The following CRYBG3 variants were observed in gnomAD, a reference collection of about 807,000 sequenced individuals.
CRYBG3 encodes very large A-kinase anchor protein.
CRYBG3 carries 127 observed loss-of-function variants against 244.2 expected under a neutral mutation model. The ratio of observed to expected loss-of-function variants is 0.52; its 90% CI spans 0.45 to 0.60. The LOEUF (loss-of-function observed/expected upper bound fraction) is 0.60, where lower values mean the gene tolerates loss of function less well. CRYBG3 is among the 20% of genes least tolerant of loss of function. The pLI, the probability that CRYBG3 is intolerant of heterozygous loss-of-function variation, is 0.00. For missense variants in CRYBG3, 3,325 were observed against 3,442.5 expected (o/e 0.97, Z 0.85); for synonymous variants, 1,132 against 1,195.8 (o/e 0.95, Z 1.10).
Position 97,915,714 on chromosome 3 carries a change from A to G in CRYBG3, c.8219A>G (p.Lys2740Arg). 1.2e-6 allele frequency: 2 copies of G among 1,612,372 alleles called. No individual in the cohort carries two copies. Among genetic ancestry groups the G allele is most frequent in the African/African-American group, 1.3e-5 (1 of 74,994 alleles). ...TGCGGTTGCCCAGCATCTAAAGTCA[A>G]ATCTCTCAAGCCCATTGACTATGTA... Reference protein sequence around the residue: ...TSCGCPASKVKSLKPIDYVFE... With the variant: ...TSCGCPASKVRSLKPIDYVFE... Residue 2740 changes from lysine (K) to arginine (R), a missense_variant, in exon 17 of 22, where the codon AAA (lysine) becomes AGA (arginine). By Grantham distance (26) the Lys-to-Arg change is conservative (BLOSUM62 2). This residue lies in a region of CRYBG3 where 714 missense variants were observed against 803.6 expected (regional missense o/e 0.89). Coordinates refer to ENST00000389622, the MANE Select transcript of CRYBG3 (RefSeq NM_153605.4).
At chr3:97,927,584 G>A (rs1203145733) in intron 17 of CRYBG3, among the ~76,000 whole-genome samples, 4 of 151,912 alleles carry the variant, frequency 2.6e-5, no homozygotes, top group Non-Finnish European at 5.9e-5. Context: ...CTAACCTAAA[G>A]TGCTTCTGCA....
intron 15 of CRYBG3, among the ~76,000 whole-genome samples, chr3:97,910,934 A>G (rs2039865057): frequency 1.3e-5 from 2 of 152,194 alleles, no homozygotes; most frequent in Admixed American, 6.5e-5. Flanking sequence ...TATCCTCTAT[A>G]TCTGCTAGGA....
At chr3:97,829,107 C>A (rs1378014533) in intron 1 of CRYBG3, among the ~76,000 whole-genome samples, 3 of 151,712 alleles carry the variant, frequency 2.0e-5, no homozygotes, top group African/African-American at 7.3e-5. Flanking sequence ...CTGGTGAATA[C>A]CTGTGGCTAA....
In CRYBG3 at chr3:97,894,908, C is replaced by G. The variant is rs1313643985; in HGVS notation, c.7575-1051C>G. Among the ~76,000 whole-genome samples the G allele has an allele frequency of 2.6e-5, 4 of 152,016 alleles. No homozygotes were observed. The South Asian group carries it at 6.2e-4, about 24-fold the overall frequency. ...ATTCCAATTCATGTGGACCCTCTGC[C>G]CCACCGTCATACCTATACTTACAGG... On this transcript the variant is annotated intron_variant, in intron 11 of 21. Coordinates refer to ENST00000389622, the MANE Select transcript of CRYBG3 (RefSeq NM_153605.4).
Position 97,860,861 on chromosome 3 carries a change from C to T in CRYBG3, c.217-3356C>T, listed in dbSNP as rs763712517. Among the ~76,000 whole-genome samples the T allele has an allele frequency of 8.8e-4, 134 of 151,696 alleles. 2 individuals are homozygous for T. Among genetic ancestry groups the T allele is most frequent in the Non-Finnish European group, 3.7e-4 (25 of 67,926 alleles). On this transcript the variant is annotated intron_variant, in intron 2 of 21. Coordinates refer to ENST00000389622, the MANE Select transcript of CRYBG3 (RefSeq NM_153605.4). ...TTTGTTGTTTCCTCTTTTTTTCCTG[C>T]GCACATCGTATATTGCCAAACTACA...
intron 1 of CRYBG3, among the ~76,000 whole-genome samples, chr3:97,828,813 A>T (rs1179300578): frequency 7.0e-6 from 1 of 143,524 alleles, no homozygotes; most frequent in Non-Finnish European, 1.5e-5. Flanking sequence ...GGGCAATAAG[A>T]GTGAAACTCC....
At chr3:97,849,376 A>G (rs2038951431) in intron 2 of CRYBG3, among the ~76,000 whole-genome samples, 1 of 152,206 alleles carries the variant, frequency 6.6e-6, no homozygotes. Context: ...GAAGGTACAT[A>G]CAAGAAGGCA....
rs564289518 is a variant in CRYBG3, at chr3:97,899,274, T to C, written c.7971+11T>C. On this transcript the variant is annotated intron_variant, in intron 14 of 21. Transcript: ENST00000389622. Reference sequence around the variant, plus strand: ...CGGCCAATCCAACTGGTGAGTGAAGTATGAACATAGCCAGTGCTGCATCAT... The same window carrying C: ...CGGCCAATCCAACTGGTGAGTGAAGCATGAACATAGCCAGTGCTGCATCAT... The C allele has an allele frequency of 7.0e-5, 112 of 1,609,576 alleles. 1 individual carries two copies. The South Asian group carries it at 1.2e-3, about 17-fold the overall frequency.
At chr3:97,928,804 G>A (rs1173631873) in intron 17 of CRYBG3, among the ~76,000 whole-genome samples, 1 of 151,860 alleles carries the variant, frequency 6.6e-6, no homozygotes, top group Non-Finnish European at 1.5e-5. Flanking sequence ...TTCAGGTAGA[G>A]TTATGTTGAC....
rs943971640 is a variant in CRYBG3 at position 97,875,688 on chromosome 3, T to C, written c.4494T>C (p.Asp1498=). 4.1e-6 allele frequency: 5 copies of C among 1,232,808 alleles called. No individual in the cohort carries two copies. In the East Asian group the frequency reaches 9.5e-5, roughly 23 times the overall value. 76.4% of individuals were successfully genotyped at this position (1,232,808 alleles called of 1,614,324 possible). The part of the protein sequence containing the change: ...APGTSKSSLS[D]SLVCISEKNL... ...GTACATCTAAAAGCAGTTTGTCTGA[T>C]AGCCTTGTATGTATATCTGAAAAAA... Residue 1498 remains aspartate, a synonymous_variant, in exon 4 of 22, where the codon GAT becomes GAC. Coordinates refer to ENST00000389622, the MANE Select transcript of CRYBG3 (RefSeq NM_153605.4).
intron 18 of CRYBG3, 101 bp from the exon 19 acceptor site, chr3:97,936,684 C>T (rs1293444209): frequency 1.6e-6 from 2 of 1,233,954 alleles, no homozygotes; most frequent in African/African-American, 1.5e-5. Context: ...GTCTGCAAAC[C>T]TAGAAGTTTA....
At chr3:97,856,311 TG>T (rs2039063569) in intron 2 of CRYBG3, among the ~76,000 whole-genome samples, 1 of 152,170 alleles carries the variant, frequency 6.6e-6, no homozygotes, top group South Asian at 2.1e-4. Context: ...TTTTTCAAGG[TG>T]CCCAGATTTC....
chr3:97,848,109 T>G (rs2038929200), intron 2 of CRYBG3, among the ~76,000 whole-genome samples: 1 of 152,186 alleles, frequency 6.6e-6, no homozygotes. Context: ...TTTTAAATAT[T>G]TGCATCTGTT....
intron 18 of CRYBG3, 85 bp from the exon 19 acceptor site, chr3:97,936,700 C>A: frequency 7.3e-7 from 1 of 1,379,148 alleles, no homozygotes; most frequent in Non-Finnish European, 9.9e-7. Context: ...GTTTATGAAC[C>A]CTATAAGGCA....
In CRYBG3 at chr3:97,877,059, G is replaced by T. The variant is rs2039384080; in HGVS notation, c.5865G>T (p.Gly1955=). The change falls in exon 4 of 22, where the codon GGG becomes GGT. Residue 1955 remains glycine (G), a synonymous_variant. Transcript: ENST00000389622. ...PAPAMPDFQP[G]DTTVRLDKRM... ...CAGCAATGCCAGATTTTCAACCTGG[G>T]GATACCACAGTAAGACTAGACAAAA... is the stretch of plus-strand genomic sequence containing the variant. 2 of 1,600,128 alleles carry T rather than the reference G, an allele frequency of 1.2e-6. No individual in the cohort carries two copies. The highest frequency in any genetic ancestry group is 2.7e-5 in the African/African-American group (2 of 74,592).
intron 15 of CRYBG3, among the ~76,000 whole-genome samples, chr3:97,908,425 G>T (rs956788186): frequency 6.6e-6 from 1 of 152,134 alleles, no homozygotes; most frequent in Non-Finnish European, 1.5e-5. Flanking sequence ...ATGAATCTTG[G>T]TGCTCCTGTA....
rs568931808 is a variant in CRYBG3, at chr3:97,822,131, C to T, written c.-76C>T. On this transcript the variant is annotated 5_prime_UTR_variant, in exon 1 of 22. Coordinates refer to ENST00000389622, the MANE Select transcript of CRYBG3 (RefSeq NM_153605.4). Reference sequence around the variant, plus strand: ...TGCCCTAGCCGCATCCCGCGGCGCCCGGTCGGGCTCCGGGCACCAGGCAAC... The same window carrying T: ...TGCCCTAGCCGCATCCCGCGGCGCCTGGTCGGGCTCCGGGCACCAGGCAAC... 12 of 1,323,634 alleles carry T rather than the reference C, an allele frequency of 9.1e-6. No individual in the cohort carries two copies. In the East Asian group the frequency reaches 1.5e-4, roughly 16 times the overall value. The allele number at this position is 1,323,634 out of a possible 1,614,324, so 82.0% of individuals were successfully genotyped here.
At chr3:97,869,123 C>T (rs1221346687) in intron 3 of CRYBG3, among the ~76,000 whole-genome samples, 1 of 151,968 alleles carries the variant, frequency 6.6e-6, no homozygotes, top group African/African-American at 2.4e-5. Context: ...CAATAGCATT[C>T]ATTTACCTAT....
At position 97,873,098 on chromosome 3, in the gene CRYBG3, T is replaced by C; in HGVS notation, c.1904T>C (p.Val635Ala). 5 of 1,535,396 alleles carry C rather than the reference T, an allele frequency of 3.3e-6. No homozygotes were observed. Among genetic ancestry groups the C allele is most frequent in the Non-Finnish European group, 4.4e-6 (5 of 1,146,620 alleles). The part of the protein sequence containing the change: ...LDSESPQQAE[V>A]SPDAKTSLSL... Reference sequence around the variant, plus strand: ...TCTGAGAGTCCTCAACAAGCTGAAGTATCACCTGATGCTAAAACATCTCTT... The same window carrying C: ...TCTGAGAGTCCTCAACAAGCTGAAGCATCACCTGATGCTAAAACATCTCTT... The change falls in exon 4 of 22, where the codon GTA (valine) becomes GCA (alanine). Residue 635 changes from valine to alanine, a missense_variant. Physicochemically the swap from Val to Ala is moderately conservative, Grantham distance 64. This residue lies in a region of CRYBG3 where 1,526 missense variants were observed against 1,443.2 expected (regional missense o/e 1.06). Coordinates refer to ENST00000389622, the MANE Select transcript of CRYBG3 (RefSeq NM_153605.4).
Sources: gnomAD v4.1 joint callset for allele counts (sites outside exome capture counted in the v4.1 genomes callset) on GRCh38, gnomAD v4.1.1 for gene constraint, gnomAD v4.1.1 regional missense constraint, MANE v1.5 for transcripts, NCBI Gene and HGNC (gene_info 2026-07-23, HGNC 2026-07-21) for gene names.